The following DMPK variants were observed in gnomAD, a reference collection of about 807,000 sequenced individuals.
The protein encoded by DMPK is myotonin-protein kinase.
DMPK carries 32 observed loss-of-function variants against 70.3 expected under a neutral mutation model. The ratio of observed to expected loss-of-function variants is 0.46; its 90% confidence interval spans 0.34 to 0.61. The LOEUF is 0.61. Among genes scored for constraint, DMPK ranks in the 20% least tolerant of loss-of-function variants. DMPK has a pLI of 0.01. For synonymous variants in DMPK, 469 were observed against 390.9 expected (o/e 1.20, Z -2.36); for missense variants, 899 against 886.0 (o/e 1.01, Z -0.19).
At chr19:45,776,755 T>C (rs1969794298) in intron 8 of DMPK, 1 of 152,970 alleles carries the variant, frequency 6.5e-6, no homozygotes, top group Non-Finnish European at 1.5e-5. Flanking sequence ...CCACCGTGCC[T>C]GGCCCCATCA....
At chr19:45,780,967 C>A (rs986473386) in intron 1 of DMPK, among the ~76,000 whole-genome samples, 1 of 152,128 alleles carries the variant, frequency 6.6e-6, no homozygotes, top group Non-Finnish European at 1.5e-5. Flanking sequence ...GTTTACCCTG[C>A]CAACCCAACT....
chr19:45,781,669 G>T (rs534558623), intron 1 of DMPK, among the ~76,000 whole-genome samples: 2 of 152,318 alleles, frequency 1.3e-5, no homozygotes, highest in Non-Finnish European at 2.9e-5. Context: ...CAGGGCCCGC[G>T]TGAGTCACCG....
intron 9 of DMPK, among the ~76,000 whole-genome samples, chr19:45,773,617 C>G (rs1969603326): frequency 6.6e-6 from 1 of 152,194 alleles, no homozygotes; most frequent in South Asian, 2.1e-4. Flanking sequence ...TCTGTATTTT[C>G]TAATTTACTT....
rs36135587 is a variant in DMPK, at chr19:45,776,365, G to A, written c.1146+962C>T. Reference sequence around the variant, plus strand: ...TCACCGTGTTAGCCAAGATGGTCTCGATCTCCTGACCTCGTGATCCACCCG... The same window carrying A: ...TCACCGTGTTAGCCAAGATGGTCTCAATCTCCTGACCTCGTGATCCACCCG... On this transcript the variant is annotated intron_variant, in intron 8 of 14. Transcript: ENST00000291270. Among the ~76,000 whole-genome samples the A allele has an allele frequency of 6.8e-5, 3 of 44,186 alleles. 1 individual carries two copies. The highest frequency in any genetic ancestry group is 7.6e-4 in the Admixed American group (2 of 2,642). 29.0% of individuals were successfully genotyped at this position (44,186 alleles called of 152,430 possible). A position where few individuals can be genotyped will look rare whatever the true frequency, so the allele number is the denominator to read the frequency against.
intron 9 of DMPK, among the ~76,000 whole-genome samples, chr19:45,773,844 T>A (rs1969616980): frequency 6.6e-6 from 1 of 152,004 alleles, no homozygotes; most frequent in African/African-American, 2.4e-5. Context: ...GGTCTCATTA[T>A]GTTGCTCAGG....
At chr19:45,770,895 G>A (rs923303672) in intron 14 of DMPK, 76 bp downstream of exon 14, 2 of 1,176,796 alleles carry the variant, frequency 1.7e-6, no homozygotes, top group Non-Finnish European at 2.3e-6. Context: ...CCGCAAATGC[G>A]CAGCTAAGCG....
In DMPK at chr19:45,778,937, T is replaced by C. The variant is rs967295129; in HGVS notation, c.433-296A>G. ...CAGAGGCCACCCAACACCCAGAGAA[T>C]AGGTCCCAGACACTCCTTCCCTAGG... On this transcript the variant is annotated intron_variant, in intron 4 of 14. Transcript: ENST00000291270. 2.7e-5 allele frequency: 15 copies of C among 550,630 alleles called. No individual in the cohort carries two copies. The Admixed American group carries it at 3.8e-4, about 14-fold the overall frequency. 34.1% of individuals were successfully genotyped at this position (550,630 alleles called of 1,614,324 possible). A position where few individuals can be genotyped will look rare whatever the true frequency, so the allele number is the denominator to read the frequency against.
At position 45,779,795 on chromosome 19, in the gene DMPK, G is replaced by C. The variant is rs377694144; in HGVS notation, c.235C>G (p.Arg79Gly). 2 of 1,564,808 alleles carry C rather than the reference G, an allele frequency of 1.3e-6. No homozygotes were observed. The highest frequency in any genetic ancestry group is 1.7e-6 in the Non-Finnish European group (2 of 1,153,270). ...DDFEILKVIG[R>G]GAFSEVAVVK... ...CGGCTTACCTCGCTGAACGCCCCGC[G>C]TCCGATCACCTTCAGAATCTCGAAG... is the stretch of plus-strand genomic sequence containing the variant. The change falls in exon 2 of 15, where the codon CGC becomes GGC. Residue 79 changes from arginine (R) to glycine (G), a missense_variant. Arg to Gly is a moderately radical substitution (Grantham distance 125). Transcript: ENST00000291270.
Position 45,770,509 on chromosome 19 carries a change from T to C in DMPK, c.1869A>G (p.Pro623=), listed in dbSNP as rs1271687699. The C allele has an allele frequency of 2.6e-6, 4 of 1,550,202 alleles. No homozygotes were observed. The highest frequency in any genetic ancestry group is 2.6e-6 in the Non-Finnish European group (3 of 1,146,720). ...GGGTTCAGGGAGCGCGGGCGGCTCC[T>C]GGGCGGCGCCAGACTGCGGTGAGTT... is the stretch of plus-strand genomic sequence containing the variant. ...AGQLTAVWRR[P]GAARAP is the part of the protein sequence containing the mutation. The change falls in exon 15 of 15, where the codon CCA becomes CCG. Residue 623 remains proline (P), a synonymous_variant. Coordinates refer to ENST00000291270, the MANE Select transcript of DMPK (RefSeq NM_004409.5).
Position 45,771,895 on chromosome 19 carries a change from C to T in DMPK, c.1378G>A (p.Ala460Thr), listed in dbSNP as rs112681257. ...EVAVPAAVPAAEAEAEVTLRE... is the reference protein window; with the variant it reads ...EVAVPAAVPATEAEAEVTLRE... ...AGCGTCACCTCGGCCTCAGCCTCTGCCGCAGGGACAGCCGCTGGAACTGCC... is the reference window on the plus strand; with the variant it reads ...AGCGTCACCTCGGCCTCAGCCTCTGTCGCAGGGACAGCCGCTGGAACTGCC... Residue 460 changes from alanine (A) to threonine (T), a missense_variant, in exon 11 of 15, where the codon GCA becomes ACA. This residue lies in a region of DMPK where 555 missense variants were observed against 483.8 expected (regional missense o/e 1.15). Coordinates refer to ENST00000291270, the MANE Select transcript of DMPK (RefSeq NM_004409.5). 4 of 1,595,952 alleles carry T rather than the reference C, an allele frequency of 2.5e-6. No homozygotes were observed. Among genetic ancestry groups the T allele is most frequent in the Non-Finnish European group, 1.7e-6 (2 of 1,171,238 alleles).
chr19:45,770,500 G>A lies in DMPK; in HGVS notation c.1878C>T (p.Ala626=), dbSNP rs1331399608. 6.4e-6 allele frequency: 10 copies of A among 1,550,406 alleles called. No individual in the cohort carries two copies. The highest frequency in any genetic ancestry group is 1.4e-5 in the African/African-American group (1 of 73,178). The change falls in exon 15 of 15, where the codon GCC becomes GCT. Residue 626 remains alanine, a synonymous_variant. Coordinates refer to ENST00000291270, the MANE Select transcript of DMPK (RefSeq NM_004409.5). ...ACAGTTCTAGGGTTCAGGGAGCGCG[G>A]GCGGCTCCTGGGCGGCGCCAGACTG... ...LTAVWRRPGA[A]RAP
At chr19:45,781,909 A>G (rs538900872) in intron 1 of DMPK, among the ~76,000 whole-genome samples, 9 of 152,280 alleles carry the variant, frequency 5.9e-5, no homozygotes, top group African/African-American at 1.9e-4. Context: ...CAGAGAGGCC[A>G]TGGGAGGCTG....
At position 45,770,113 on chromosome 19, in the gene DMPK, G is replaced by T. The variant is rs1969247612; in HGVS notation, c.*375C>A. 1 of 607,538 alleles carries T rather than the reference G, an allele frequency of 1.6e-6. No individual in the cohort carries two copies. Among genetic ancestry groups the T allele is most frequent in the Non-Finnish European group, 2.9e-6 (1 of 341,396 alleles). 37.6% of individuals were successfully genotyped at this position (607,538 alleles called of 1,614,324 possible). A position where few individuals can be genotyped will look rare whatever the true frequency, so the allele number is the denominator to read the frequency against. ...GGTGCGTGGAGGATGGAACACGGAC[G>T]GCCCGGCTTGCTGCCTTCCCAGGCC... is the stretch of plus-strand genomic sequence containing the variant. On this transcript the variant is annotated 3_prime_UTR_variant, in exon 15 of 15. Transcript: ENST00000291270.
intron 1 of DMPK, among the ~76,000 whole-genome samples, chr19:45,781,569 G>A (rs527977407): frequency 2.0e-5 from 3 of 152,238 alleles, no homozygotes; most frequent in East Asian, 1.9e-4. Context: ...ACAAAAGAAG[G>A]AGACACACCC....
At chr19:45,780,388 GA>G in intron 1 of DMPK, 1 of 1,454,090 alleles carries the variant, frequency 6.9e-7, no homozygotes, top group Non-Finnish European at 9.2e-7. Flanking sequence ...GGGGCTGGGG[GA>G]AGGAACAGGA....
At chr19:45,775,253 C>T (rs1969718040) in intron 8 of DMPK, 1 of 472,356 alleles carries the variant, frequency 2.1e-6, no homozygotes, top group South Asian at 2.3e-5. Context: ...CTGCAACCTC[C>T]GCCTCCCAGG....
chr19:45,771,933 G>A lies in DMPK; in HGVS notation c.1345-5C>T, dbSNP rs1333472241. 1 of 1,589,228 alleles carries A rather than the reference G, an allele frequency of 6.3e-7. No individual in the cohort carries two copies. The highest frequency in any genetic ancestry group is 1.7e-5 in the Admixed American group (1 of 57,568). On this transcript the variant is annotated splice_polypyrimidine_tract_variant and splice_region_variant and intron_variant, in intron 10 of 14. Coordinates refer to ENST00000291270, the MANE Select transcript of DMPK (RefSeq NM_004409.5). ...CGCTGGAACTGCCACTTCAGCCTGT[G>A]TATGGGGACCAGGCTTAAGGCTGCC...
At chr19:45,779,988 A>G in intron 1 of DMPK, 119 bp from the exon 2 acceptor site, 2 of 1,565,526 alleles carry the variant, frequency 1.3e-6, no homozygotes, top group Non-Finnish European at 1.7e-6. Context: ...TCACCCTAGG[A>G]CTGTCTGCTT....
At chr19:45,780,202 C>T in intron 1 of DMPK, 2 of 1,466,472 alleles carry the variant, frequency 1.4e-6, no homozygotes, top group Non-Finnish European at 1.8e-6. Flanking sequence ...AAATAAGACC[C>T]AGTTCTTCCA....
Sources: allele counts gnomAD v4.1 joint callset (sites outside exome capture counted in the v4.1 genomes callset), GRCh38; gene constraint gnomAD v4.1.1; regional missense constraint gnomAD v4.1.1; transcripts MANE v1.5; gene names NCBI Gene and HGNC (gene_info 2026-07-23, HGNC 2026-07-21).